The following SFTPB variants were observed in gnomAD, a reference collection of about 807,000 sequenced individuals.
The protein encoded by SFTPB is surfactant protein B, also known as pulmonary surfactant-associated protein B.
Under a neutral mutation model 51.0 loss-of-function variants are expected in SFTPB, and 32 were observed. That is an observed-to-expected ratio of 0.63 (90% CI 0.47 to 0.84). The LOEUF (loss-of-function observed/expected upper bound fraction) is 0.84, where lower values mean the gene tolerates loss of function less well. SFTPB is among the 40% of genes least tolerant of loss of function. The pLI is 0.00. For missense variants in SFTPB, 431 were observed against 491.2 expected (o/e 0.88, Z 1.16); for synonymous variants, 211 against 208.5 (o/e 1.01, Z -0.10).
intron 4 of SFTPB, among the ~76,000 whole-genome samples, chr2:85,666,051 A>C (rs45615839): frequency 6.6e-6 from 1 of 152,078 alleles, no homozygotes; most frequent in Admixed American, 6.5e-5. Flanking sequence ...CATGTGTGTG[A>C]GAGTGAGGGT....
Position 85,667,730 on chromosome 2 carries a change from C to T in SFTPB, c.144G>A (p.Gln48=), listed in dbSNP as rs1022876401. 1.9e-6 allele frequency: 3 copies of T among 1,614,156 alleles called. No homozygotes were observed. In the African/African-American group the frequency reaches 4.0e-5, roughly 22 times the overall value. ...FWCQSLEQAL[Q]CRALGHCLQE... is the part of the protein sequence containing the mutation. ...GTAGGCAATGCCCTAGGGCTCTGCA[C>T]TGCAATGCTTGCTCCAGGCTTTGGC... is the stretch of plus-strand genomic sequence containing the variant. Residue 48 remains glutamine (Q), a synonymous_variant, in exon 2 of 11, where the codon CAG becomes CAA. Transcript: ENST00000519937.
chr2:85,666,469 GTT>G lies in SFTPB; in HGVS notation c.393+146_393+147del, dbSNP rs1677630193. 4.2e-5 allele frequency: 32 copies of G among 759,312 alleles called. 1 individual carries two copies. Among genetic ancestry groups the G allele is most frequent in the South Asian group, 2.7e-4 (16 of 59,836 alleles). The allele number at this position is 759,312 out of a possible 1,614,324, so 47.0% of individuals were successfully genotyped here. Reference sequence around the variant, plus strand: ...TGTCCGGCTGGCTGGGGTGCTGTGTGTTTGTGTCTGGCCGGCTTGGGTGCTGT... The same window carrying G: ...TGTCCGGCTGGCTGGGGTGCTGTGTGTGTGTCTGGCCGGCTTGGGTGCTGT... On this transcript the variant is annotated intron_variant, in intron 4 of 10. Transcript: ENST00000519937.
intron 4 of SFTPB, 111 bp downstream of exon 4, chr2:85,666,505 GT>G: frequency 9.3e-7 from 1 of 1,079,800 alleles, no homozygotes; most frequent in South Asian, 1.4e-5. Flanking sequence ...GTGTGTGTGT[GT>G]GTGTGTGTGT....
chr2:85,666,893 T>G (rs1409653778), intron 3 of SFTPB, 151 bp from the exon 4 acceptor site: 1 of 1,094,770 alleles, frequency 9.1e-7, no homozygotes, highest in South Asian at 1.3e-5. Context: ...GTTGGGCACA[T>G]GTAGGGGCCC....
At chr2:85,666,435 G>A (rs1443751729) in intron 4 of SFTPB, 182 bp downstream of exon 4, 6 of 579,762 alleles carry the variant, frequency 1.0e-5, no homozygotes, top group African/African-American at 7.7e-5. Context: ...GTGTGTGTGT[G>A]TGTGTGTGTG....
chr2:85,667,708 G>A lies in SFTPB; in HGVS notation c.166C>T (p.Leu56=), dbSNP rs755877314. ...ALQCRALGHC[L]QEVWGHVGAD... ...CCCACATGTCCCCAGACTTCCTGTA[G>A]GCAATGCCCTAGGGCTCTGCACTGC... Residue 56 remains leucine (L), a synonymous_variant, in exon 2 of 11, where the codon CTA becomes TTA. Transcript: ENST00000519937. 30 of 1,614,104 alleles carry A rather than the reference G, an allele frequency of 1.9e-5. No individual in the cohort carries two copies. Among genetic ancestry groups the A allele is most frequent in the Non-Finnish European group, 2.5e-5 (30 of 1,180,050 alleles).
At position 85,666,722 on chromosome 2, in the gene SFTPB, C is replaced by T. The variant is rs1048210814; in HGVS notation, c.288G>A (p.Leu96=). The change falls in exon 4 of 11, where the codon CTG becomes CTA. Residue 96 remains leucine, a synonymous_variant. Coordinates refer to ENST00000519937, the MANE Select transcript of SFTPB (RefSeq NM_000542.5). ...AIFQDTMRKF[L]EQECNVLPLK... Reference sequence around the variant, plus strand: ...AGGGGAGGACGTTGCACTCCTGCTCCAGGAACTTCCTCATCGTGTCCTGGG... The same window carrying T: ...AGGGGAGGACGTTGCACTCCTGCTCTAGGAACTTCCTCATCGTGTCCTGGG... The T allele has an allele frequency of 6.2e-7, 1 of 1,613,822 alleles. No individual in the cohort carries two copies. The highest frequency in any genetic ancestry group is 1.3e-5 in the African/African-American group (1 of 74,980).
chr2:85,665,578 C>G, intron 5 of SFTPB, 28 bp downstream of exon 5: 6 of 1,612,120 alleles, frequency 3.7e-6, no homozygotes, highest in Non-Finnish European at 5.1e-6. Flanking sequence ...TGGATCTCCA[C>G]TTTACTGGCT....
intron 10 of SFTPB, 76 bp downstream of exon 10, chr2:85,661,378 G>T: frequency 9.7e-7 from 1 of 1,031,650 alleles, no homozygotes; most frequent in Non-Finnish European, 1.5e-6. Flanking sequence ...CCTGCTTGGG[G>T]AGCAGAAGGG....
intron 4 of SFTPB, among the ~76,000 whole-genome samples, chr2:85,666,250 T>TGTCTGG (rs1553381025): frequency 3.1e-5 from 4 of 130,050 alleles, no homozygotes; most frequent in East Asian, 2.2e-4. Flanking sequence ...TGTGTGTGTG[T>TGTCTGG]CTGGCTGGCT....
chr2:85,666,991 G>T, intron 3 of SFTPB, 115 bp downstream of exon 3: 2 of 1,036,896 alleles, frequency 1.9e-6, no homozygotes, highest in South Asian at 2.6e-5. Context: ...GACTTCCCAG[G>T]CACCCAGGCC....
chr2:85,661,609 A>G, intron 9 of SFTPB, 74 bp from the exon 10 acceptor site: 2 of 1,272,132 alleles, frequency 1.6e-6, no homozygotes, highest in Non-Finnish European at 2.2e-6. Context: ...CCGGGAAAGA[A>G]CAGCACTCAC....
intron 10 of SFTPB, among the ~76,000 whole-genome samples, chr2:85,660,154 A>C: frequency 1.4e-5 from 2 of 138,794 alleles, no homozygotes; most frequent in Admixed American, 7.5e-5. Flanking sequence ...ACGGAGTCTC[A>C]CTCTGTCACC....
intron 2 of SFTPB, 71 bp from the exon 3 acceptor site, chr2:85,667,248 C>A: frequency 1.7e-6 from 2 of 1,203,668 alleles, no homozygotes; most frequent in South Asian, 1.2e-5. Flanking sequence ...TGGGGAGGTT[C>A]TCTTAGGAAG....
chr2:85,666,103 A>G (rs1677575073), intron 4 of SFTPB, among the ~76,000 whole-genome samples: 1 of 150,660 alleles, frequency 6.6e-6, no homozygotes, highest in African/African-American at 2.5e-5. Context: ...GTGCACCTGA[A>G]CCTGGGGGCC....
intron 4 of SFTPB, 108 bp from the exon 5 acceptor site, chr2:85,665,902 A>G: frequency 9.7e-7 from 1 of 1,035,722 alleles, no homozygotes; most frequent in South Asian, 1.4e-5. Flanking sequence ...AAGCAGGCCT[A>G]GTGGGGGTGC....
At chr2:85,660,647 G>T (rs1455847743) in intron 10 of SFTPB, among the ~76,000 whole-genome samples, 2 of 151,590 alleles carry the variant, frequency 1.3e-5, no homozygotes, top group Non-Finnish European at 2.9e-5. Flanking sequence ...TAGAGACAGG[G>T]TTTCGCCATG....
chr2:85,666,852 C>A (rs1677675634), intron 3 of SFTPB, 110 bp from the exon 4 acceptor site: 1 of 1,450,850 alleles, frequency 6.9e-7, no homozygotes, highest in Non-Finnish European at 9.6e-7. Flanking sequence ...CCCCAGGGTG[C>A]TGGAGTTCAC....
rs1363807007 is a variant in SFTPB, at chr2:85,665,706, G to A, written c.482C>T (p.Pro161Leu). The change falls in exon 5 of 11, where the codon CCC becomes CTC. Residue 161 changes from proline (P) to leucine (L), a missense_variant. Coordinates refer to ENST00000519937, the MANE Select transcript of SFTPB (RefSeq NM_000542.5). ...TGGCAGAGGGTCCCGCAGAGGTTTG[G>A]GCAGGGGGTCTGACATCCCTGGCTC... Reference protein sequence around the residue: ...EQEPGMSDPLPKPLRDPLPDP... With the variant: ...EQEPGMSDPLLKPLRDPLPDP... 6.2e-7 allele frequency: 1 copy of A among 1,614,098 alleles called. No homozygotes were observed. Among genetic ancestry groups the A allele is most frequent in the Non-Finnish European group, 8.5e-7 (1 of 1,180,040 alleles).
Sources: gnomAD v4.1 joint callset for allele counts (sites outside exome capture counted in the v4.1 genomes callset) on GRCh38, gnomAD v4.1.1 for gene constraint, MANE v1.5 for transcripts, NCBI Gene and HGNC (gene_info 2026-07-23, HGNC 2026-07-21) for gene names.